ABCA4: variants seen among roughly 807,000 people sequenced by gnomAD.
ABCA4 encodes retinal-specific phospholipid-transporting ATPase ABCA4.
In ABCA4, 196 loss-of-function variants were observed where a neutral mutation model predicts 263.7. The ratio of observed to expected loss-of-function variants is 0.74; its 90% CI spans 0.66 to 0.84. ABCA4 has a LOEUF of 0.84. Ranked by LOEUF, ABCA4 falls within the 40% of genes least tolerant of loss-of-function variation. The pLI is 0.00. For synonymous variants in ABCA4, 1,133 were observed against 1,094.2 expected (o/e 1.04, Z -0.70); for missense variants, 2,792 against 2,855.1 (o/e 0.98, Z 0.50).
chr1:94,066,308 T>C (rs1661265181), intron 11 of ABCA4, among the ~76,000 whole-genome samples: 1 of 152,236 alleles, frequency 6.6e-6, no homozygotes. Flanking sequence ...TTTTAAAATA[T>C]GCATTTAAAT....
intron 5 of ABCA4, among the ~76,000 whole-genome samples, chr1:94,099,904 G>A (rs1023816675): frequency 2.0e-5 from 3 of 152,118 alleles, no homozygotes; most frequent in African/African-American, 4.8e-5. Flanking sequence ...ATGGCCTCTC[G>A]AGGATCAGGT....
rs557205257 is a variant in ABCA4, at chr1:94,011,483, C to A, written c.5461-98G>T. The A allele has an allele frequency of 2.1e-4, 327 of 1,583,220 alleles. 4 individuals carry two copies. The South Asian group carries it at 3.4e-3, about 17-fold the overall frequency. On this transcript the variant is annotated intron_variant, in intron 38 of 49. Transcript: ENST00000370225. ...GATGCTCTCACAGGACAGCACAGGG[C>A]AAGGCCTGCAGACAGAGAGTCCTTG...
chr1:93,995,807 G>A (rs1470409656), intron 49 of ABCA4, among the ~76,000 whole-genome samples: 4 of 152,116 alleles, frequency 2.6e-5, no homozygotes, highest in Non-Finnish European at 5.9e-5. Context: ...TTTGCTGTAA[G>A]CAAAAACATG....
chr1:94,114,544 T>C (rs1662698250), intron 1 of ABCA4, among the ~76,000 whole-genome samples: 1 of 152,122 alleles, frequency 6.6e-6, no homozygotes, highest in South Asian at 2.1e-4. Context: ...TGGAGTGCAG[T>C]GGCACGATCT....
intron 24 of ABCA4, among the ~76,000 whole-genome samples, chr1:94,039,765 G>C (rs985671552): frequency 6.6e-6 from 1 of 152,230 alleles, no homozygotes; most frequent in South Asian, 2.1e-4. Flanking sequence ...CCAGGGCAGG[G>C]GGACCCCAGG....
chr1:94,080,736 C>T lies in ABCA4; in HGVS notation c.859-18G>A, dbSNP rs1661673996. On this transcript the variant is annotated intron_variant, in intron 7 of 49. Transcript: ENST00000370225. ...TGGATAAACTAGGGCAAGGCAAAGT[C>T]TTCAGGTTATTTTAAGGCAGCTAGA... 5 of 1,614,138 alleles carry T rather than the reference C, an allele frequency of 3.1e-6. No homozygotes were observed. Among genetic ancestry groups the T allele is most frequent in the Non-Finnish European group, 4.2e-6 (5 of 1,180,026 alleles).
chr1:94,080,859 G>A (rs1262690319), intron 7 of ABCA4, 141 bp from the exon 8 acceptor site: 1 of 1,317,704 alleles, frequency 7.6e-7, no homozygotes, highest in Admixed American at 2.1e-5. Context: ...TAATCCAGCT[G>A]CGAAAAACAA....
At position 94,080,490 on chromosome 1, in the gene ABCA4, C is replaced by A; in HGVS notation, c.1087G>T (p.Asp363Tyr). The A allele has an allele frequency of 1.2e-6, 2 of 1,614,158 alleles. No homozygotes were observed. Among genetic ancestry groups the A allele is most frequent in the South Asian group, 2.2e-5 (2 of 91,058 alleles). The change falls in exon 8 of 50, where the codon GAC becomes TAC. Residue 363 changes from aspartate to tyrosine, a missense_variant. Transcript: ENST00000370225. The part of the protein sequence containing the change: ...STRKDPIYSY[D>Y]RRTTSFCNAL... ...TCAGAAAACTTACTTGTTCTTCTGT[C>A]ATAAGAATAGATAGGATCCTTCCTT...
At chr1:94,032,731 T>C (rs1255678189) in intron 26 of ABCA4, among the ~76,000 whole-genome samples, 1 of 152,332 alleles carries the variant, frequency 6.6e-6, no homozygotes, top group Non-Finnish European at 1.5e-5. Context: ...TTCATGTTCA[T>C]GTATCCTACA....
At chr1:94,011,477 A>C in intron 38 of ABCA4, 92 bp from the exon 39 acceptor site, 3 of 1,593,924 alleles carry the variant, frequency 1.9e-6, no homozygotes, top group Non-Finnish European at 1.7e-6. Context: ...ACAGGACAGC[A>C]CAGGGCAAGG....
intron 6 of ABCA4, among the ~76,000 whole-genome samples, chr1:94,096,187 G>C (rs1002334381): frequency 1.3e-5 from 2 of 152,162 alleles, no homozygotes; most frequent in African/African-American, 4.8e-5. Flanking sequence ...GGACTTATCT[G>C]GGAAGCTTTT....
chr1:94,097,818 C>T (rs1292061766), intron 6 of ABCA4, among the ~76,000 whole-genome samples: 10 of 152,178 alleles, frequency 6.6e-5, no homozygotes, highest in Admixed American at 5.2e-4. Flanking sequence ...GGCGCAATCT[C>T]GGCTCACTGC....
chr1:94,073,364 T>C (rs1365119809), intron 11 of ABCA4, among the ~76,000 whole-genome samples: 1 of 152,148 alleles, frequency 6.6e-6, no homozygotes, highest in Non-Finnish European at 1.5e-5. Flanking sequence ...CCTCGTGAAG[T>C]CCTGGCGGCC....
At position 94,011,327 on chromosome 1, in the gene ABCA4, C is replaced by A. The variant is rs946348819; in HGVS notation, c.5519G>T (p.Cys1840Phe). 1.9e-6 allele frequency: 3 copies of A among 1,614,160 alleles called. No individual in the cohort carries two copies. The highest frequency in any genetic ancestry group is 2.2e-5 in the South Asian group (2 of 91,082). ...AAGGTCAATGAGGCCCCGGCCCAGG[C>A]AGAAGTGGGGGAAGACAATGAGCAG... is the stretch of plus-strand genomic sequence containing the variant. ...RKLLIVFPHF[C>F]LGRGLIDLAL... is the part of the protein sequence containing the mutation. The change falls in exon 39 of 50, where the codon TGC (cysteine) becomes TTC (phenylalanine). Residue 1840 changes from cysteine to phenylalanine, a missense_variant. Cys to Phe is a radical substitution (Grantham distance 205, BLOSUM62 -2). Coordinates refer to ENST00000370225, the MANE Select transcript of ABCA4 (RefSeq NM_000350.3).
intron 6 of ABCA4, among the ~76,000 whole-genome samples, chr1:94,095,581 T>C (rs1271131536): frequency 6.6e-6 from 1 of 152,074 alleles, no homozygotes; most frequent in Non-Finnish European, 1.5e-5. Context: ...GCCCCTTCCC[T>C]GGCCCCGGAG....
intron 11 of ABCA4, among the ~76,000 whole-genome samples, chr1:94,073,041 A>T (rs1197757854): frequency 6.6e-6 from 1 of 152,130 alleles, no homozygotes; most frequent in Non-Finnish European, 1.5e-5. Flanking sequence ...CCAGTGAAGC[A>T]ACATCCTTGC....
chr1:94,060,453 G>T, intron 14 of ABCA4, 84 bp downstream of exon 14: 1 of 1,311,898 alleles, frequency 7.6e-7, no homozygotes, highest in Non-Finnish European at 1.1e-6. Context: ...GTGGCCACAT[G>T]ACTAATCCAG....
intron 5 of ABCA4, among the ~76,000 whole-genome samples, chr1:94,102,203 A>G (rs1662302570): frequency 6.6e-6 from 1 of 152,088 alleles, no homozygotes; most frequent in Admixed American, 6.5e-5. Context: ...TAAATAGAGG[A>G]GATTATTTAA....
intron 30 of ABCA4, among the ~76,000 whole-genome samples, chr1:94,028,930 A>AAAAAAAAAAAAAAAAAAAAAAC (rs35998587): frequency 9.3e-6 from 1 of 108,032 alleles, no homozygotes; most frequent in Non-Finnish European, 1.8e-5. Flanking sequence ...AAAAAAAAAA[A>AAAAAAAAAAAAAAAAAAAAAAC]GAAATTCAAA....
Sources: gnomAD v4.1 joint callset for allele counts (sites outside exome capture counted in the v4.1 genomes callset) on GRCh38, gnomAD v4.1.1 for gene constraint, MANE v1.5 for transcripts, NCBI Gene and HGNC (gene_info 2026-07-23, HGNC 2026-07-21) for gene names.